The following DAP3 variants were observed in gnomAD, a reference collection of about 807,000 sequenced individuals.
DAP3 encodes the protein death associated protein 3, also known as small ribosomal subunit protein mS29.
Under a neutral mutation model 51.9 loss-of-function variants are expected in DAP3, and 28 were observed. That is an observed-to-expected ratio of 0.54 (90% CI 0.40 to 0.74). The LOEUF is 0.74. Ranked by LOEUF, DAP3 falls within the 30% of genes least tolerant of loss-of-function variation. The pLI is 0.00. For synonymous variants in DAP3, 170 were observed against 170.3 expected, an observed-to-expected ratio of 1.00 and a Z score of 0.01; for missense variants, 458 against 483.5, an observed-to-expected ratio of 0.95 and a Z score of 0.49.
At chr1:155,720,664 C>CA (rs774228546) in intron 3 of DAP3, among the ~76,000 whole-genome samples, 5 of 151,108 alleles carry the variant, frequency 3.3e-5, no homozygotes, top group Non-Finnish European at 7.4e-5. Context: ...AAAAACAAAA[C>CA]AAACAAACCA....
chr1:155,703,026 A>G (rs546369659), intron 1 of DAP3, among the ~76,000 whole-genome samples: 24 of 152,332 alleles, frequency 1.6e-4, no homozygotes, highest in African/African-American at 5.8e-4. Context: ...ATGTATGCCA[A>G]TACCACACTA....
chr1:155,688,042 C>T (rs1652776108), upstream of DAP3: 1 of 1,549,606 alleles, frequency 6.5e-7, no homozygotes, highest in African/African-American at 1.4e-5. Flanking sequence ...TGCTTAGGCC[C>T]GAATGCCGGC....
Position 155,727,643 on chromosome 1 carries a change from C to T in DAP3, c.508C>T (p.Gln170Ter). ...GGTGAAAAATTGTCGGGATCTTCTG[C>T]AGTCCAGCTACAACAAACAGCGCTT... Reference protein sequence around the residue: ...LWVKNCRDLLQSSYNKQRFDQ... With the variant: ...LWVKNCRDLL Residue 170 changes from glutamine to a stop codon, truncating the protein, a stop_gained, in exon 7 of 13, where the codon CAG (glutamine) becomes TAG (stop). Coordinates refer to ENST00000368336, the MANE Select transcript of DAP3 (RefSeq NM_004632.4). LOFTEE classifies it high-confidence loss of function. 1 of 1,613,000 alleles carries T rather than the reference C, an allele frequency of 6.2e-7. No homozygotes were observed. Among genetic ancestry groups the T allele is most frequent in the Non-Finnish European group, 8.5e-7 (1 of 1,179,494 alleles).
upstream of DAP3, chr1:155,688,665 C>T: frequency 1.3e-6 from 2 of 1,532,974 alleles, no homozygotes; most frequent in Non-Finnish European, 1.7e-6. Flanking sequence ...GTACCTTCAG[C>T]GGCGCGAGCC....
At chr1:155,726,270 C>T (rs552765635) in intron 6 of DAP3, 39 of 271,406 alleles carry the variant, frequency 1.4e-4, no homozygotes, top group African/African-American at 8.2e-4. Flanking sequence ...CCCACCACAC[C>T]ACCACGCCCA....
At chr1:155,694,481 G>A (rs1233113326) in intron 1 of DAP3, among the ~76,000 whole-genome samples, 1 of 141,518 alleles carries the variant, frequency 7.1e-6, no homozygotes, top group Non-Finnish European at 1.5e-5. Flanking sequence ...CAGGTTACTC[G>A]AGGTTAGTGG....
Position 155,727,595 on chromosome 1 carries a change from C to T in DAP3, c.473-13C>T. On this transcript the variant is annotated splice_polypyrimidine_tract_variant and intron_variant, in intron 6 of 12. Transcript: ENST00000368336. ...CTGCCTGGCTTGTTTTCTTCTGCCT[C>T]TTTTTTTTAAAGCTCATCTTTGGGT... is the stretch of plus-strand genomic sequence containing the variant. The T allele has an allele frequency of 6.2e-7, 1 of 1,607,462 alleles. No homozygotes were observed. The highest frequency in any genetic ancestry group is 8.5e-7 in the Non-Finnish European group (1 of 1,177,118).
intron 6 of DAP3, among the ~76,000 whole-genome samples, chr1:155,727,264 A>G (rs1349607365): frequency 6.6e-6 from 1 of 152,092 alleles, no homozygotes; most frequent in Non-Finnish European, 1.5e-5. Flanking sequence ...CAGAAGTGAT[A>G]TTTAATACAC....
intron 1 of DAP3, among the ~76,000 whole-genome samples, chr1:155,694,300 C>T (rs1654240390): frequency 7.1e-6 from 1 of 141,372 alleles, no homozygotes; most frequent in Non-Finnish European, 1.5e-5. Context: ...TATCTGTAGG[C>T]TCAGGCATCC....
At chr1:155,718,245 G>C (rs764849378) in intron 3 of DAP3, among the ~76,000 whole-genome samples, 22 of 152,156 alleles carry the variant, frequency 1.4e-4, no homozygotes, top group Non-Finnish European at 2.9e-4. Context: ...AATTAGCTGG[G>C]TGTGGTGGCG....
chr1:155,714,689 A>G (rs2149159759), intron 2 of DAP3, among the ~76,000 whole-genome samples: 1 of 152,214 alleles, frequency 6.6e-6, no homozygotes, highest in East Asian at 1.9e-4. Context: ...CTGGGGGCAG[A>G]GGTTGTAGTG....
At chr1:155,736,522 C>T (rs1470140492) in intron 11 of DAP3, 4 of 222,716 alleles carry the variant, frequency 1.8e-5, no homozygotes, top group Non-Finnish European at 3.6e-5. Context: ...CTCCTGGTCT[C>T]AAGCAATCCT....
At chr1:155,731,851 G>A in intron 10 of DAP3, 93 bp from the exon 11 acceptor site, 1 of 1,285,910 alleles carries the variant, frequency 7.8e-7, no homozygotes, top group South Asian at 1.5e-5. Context: ...AACACTGTAT[G>A]CCCAAGAAAG....
intron 1 of DAP3, among the ~76,000 whole-genome samples, chr1:155,708,675 C>T (rs1316355012): frequency 6.7e-6 from 1 of 149,084 alleles, no homozygotes; most frequent in Non-Finnish European, 1.5e-5. Context: ...GCTGGGACTA[C>T]AGGTGCATAT....
chr1:155,728,921 C>A, intron 7 of DAP3, 121 bp from the exon 8 acceptor site: 3 of 900,664 alleles, frequency 3.3e-6, no homozygotes, highest in Non-Finnish European at 5.1e-6. Flanking sequence ...TCTTACAGAA[C>A]CTGAACAATA....
chr1:155,702,152 A>G (rs1156296007), intron 1 of DAP3, among the ~76,000 whole-genome samples: 1 of 66,880 alleles, frequency 1.5e-5, no homozygotes, highest in Non-Finnish European at 3.0e-5. Flanking sequence ...TTCTGCCTAT[A>G]AAAAAAAAAA....
intron 12 of DAP3, 87 bp from the exon 13 acceptor site, chr1:155,738,070 T>TACGTA: frequency 1.6e-6 from 2 of 1,284,432 alleles, no homozygotes; most frequent in Non-Finnish European, 2.2e-6. Flanking sequence ...GTAATTTGGA[T>TACGTA]ATGGTAGCCT....
At chr1:155,711,259 G>A (rs556504556) in intron 2 of DAP3, among the ~76,000 whole-genome samples, 30 of 152,232 alleles carry the variant, frequency 2.0e-4, no homozygotes, top group African/African-American at 5.5e-4. Flanking sequence ...TTGGGAGGCC[G>A]AGGCAGGCAG....
intron 1 of DAP3, among the ~76,000 whole-genome samples, chr1:155,708,873 T>A (rs550966676): frequency 6.6e-6 from 1 of 152,026 alleles, no homozygotes; most frequent in East Asian, 1.9e-4. Flanking sequence ...CCTAGCTATT[T>A]TTTTGCATTT....
Sources: gnomAD v4.1 joint callset for allele counts (sites outside exome capture counted in the v4.1 genomes callset) on GRCh38, gnomAD v4.1.1 for gene constraint, MANE v1.5 for transcripts, NCBI Gene and HGNC (gene_info 2026-07-23, HGNC 2026-07-21) for gene names.